CYP4X1: variants seen among roughly 807,000 people sequenced by gnomAD.
The protein encoded by CYP4X1 is cytochrome P450 family 4 subfamily X member 1.
A neutral mutation model predicts 57.9 loss-of-function variants in CYP4X1; 44 were observed. The ratio of observed to expected loss-of-function variants is 0.76; its 90% CI spans 0.60 to 0.98. The LOEUF is 0.98. Among genes scored for constraint, CYP4X1 ranks in the 50% least tolerant of loss-of-function variants. CYP4X1 has a pLI of 0.00. For missense variants in CYP4X1, 532 were observed against 623.9 expected, an observed-to-expected ratio of 0.85 and a Z score of 1.57; for synonymous variants, 227 against 228.6, an observed-to-expected ratio of 0.99 and a Z score of 0.06.
chr1:47,049,373 G>A, intron 10 of CYP4X1, 49 bp from the exon 11 acceptor site: 2 of 1,404,508 alleles, frequency 1.4e-6, no homozygotes, highest in Non-Finnish European at 1.0e-6. Context: ...GTGAAGAAAT[G>A]TGTTCATGTT....
the CYP4X1 span, among the ~76,000 whole-genome samples, chr1:46,975,764 A>C: frequency 7.2e-5 from 11 of 152,138 alleles, no homozygotes; most frequent in Non-Finnish European, 1.5e-4. Context: ...TAAGTTTTCC[A>C]AGTTGCTGTT....
intron 1 of CYP4X1, among the ~76,000 whole-genome samples, chr1:47,025,443 C>G (rs1644052322): frequency 6.6e-6 from 1 of 152,210 alleles, no homozygotes; most frequent in African/African-American, 2.4e-5. Flanking sequence ...AAGACAACAT[C>G]CACCTATGAA....
chr1:46,967,334 G>A, the CYP4X1 span, among the ~76,000 whole-genome samples: 7 of 152,272 alleles, frequency 4.6e-5, no homozygotes, highest in African/African-American at 9.6e-5. Flanking sequence ...AGGCACTGAC[G>A]TTGTGGTAGT....
At chr1:47,015,457 A>C in the CYP4X1 span, among the ~76,000 whole-genome samples, 1 of 152,184 alleles carries the variant, frequency 6.6e-6, no homozygotes, top group Non-Finnish European at 1.5e-5. Context: ...ATTCTCTAAA[A>C]AAAACTCAGG....
intron 6 of CYP4X1, among the ~76,000 whole-genome samples, chr1:47,038,383 AG>A (rs568096114): frequency 6.6e-4 from 100 of 152,308 alleles, no homozygotes; most frequent in African/African-American, 2.3e-3. Context: ...AGACTGAGGA[AG>A]AAAAGAATAA....
At chr1:47,029,119 T>G (rs1431016284) in intron 1 of CYP4X1, among the ~76,000 whole-genome samples, 3 of 152,200 alleles carry the variant, frequency 2.0e-5, no homozygotes, top group Middle Eastern at 3.2e-3. Context: ...ACCGTGTGAT[T>G]GGTCACACGA....
chr1:47,024,058 C>T, intron 1 of CYP4X1, 64 bp downstream of exon 1: 1 of 1,527,038 alleles, frequency 6.5e-7, no homozygotes, highest in Non-Finnish European at 8.8e-7. Flanking sequence ...GCAGAGGAGC[C>T]CAGCCGGCAG....
chr1:46,973,327 G>T, the CYP4X1 span, among the ~76,000 whole-genome samples: 2 of 152,098 alleles, frequency 1.3e-5, no homozygotes, highest in African/African-American at 4.8e-5. Context: ...GATTCAGTTT[G>T]CTAATATTTT....
At chr1:47,034,419 A>C (rs1644157835) in intron 4 of CYP4X1, among the ~76,000 whole-genome samples, 2 of 152,324 alleles carry the variant, frequency 1.3e-5, no homozygotes, top group Middle Eastern at 3.4e-3. Context: ...TTCAATTTTT[A>C]AATCATATTT....
the CYP4X1 span, among the ~76,000 whole-genome samples, chr1:47,009,917 T>C: frequency 2.3e-4 from 35 of 152,160 alleles, no homozygotes; most frequent in East Asian, 5.8e-3. Flanking sequence ...AGGCAATAAT[T>C]AATAACTTAC....
At chr1:46,981,470 A>T in the CYP4X1 span, among the ~76,000 whole-genome samples, 1 of 152,230 alleles carries the variant, frequency 6.6e-6, no homozygotes, top group South Asian at 2.1e-4. Flanking sequence ...ATCATTAAAA[A>T]GTCAGGAAAC....
chr1:47,055,199 CT>C (rs1244072240), downstream of CYP4X1, among the ~76,000 whole-genome samples: 2 of 152,122 alleles, frequency 1.3e-5, no homozygotes, highest in South Asian at 4.1e-4. Flanking sequence ...GTCTTTGGTT[CT>C]GTTTATATGC....
intron 8 of CYP4X1, among the ~76,000 whole-genome samples, chr1:47,044,884 G>A (rs982306118): frequency 5.3e-5 from 8 of 151,358 alleles, no homozygotes; most frequent in Admixed American, 2.6e-4. Context: ...GTGCAGTGGC[G>A]CAATCTCTCA....
chr1:47,049,406 T>G lies in CYP4X1; in HGVS notation c.1273-16T>G. On this transcript the variant is annotated splice_polypyrimidine_tract_variant and intron_variant, in intron 10 of 11. Coordinates refer to ENST00000371901, the MANE Select transcript of CYP4X1 (RefSeq NM_178033.2). ...GTTGTTTGGGGGATGGTGTTGGGGTTGTCCTCTCATTTCAGGTCTTTGACC... is the reference window on the plus strand; with the variant it reads ...GTTGTTTGGGGGATGGTGTTGGGGTGGTCCTCTCATTTCAGGTCTTTGACC... 1 of 1,610,554 alleles carries G rather than the reference T, an allele frequency of 6.2e-7. No individual in the cohort carries two copies. Among genetic ancestry groups the G allele is most frequent in the Non-Finnish European group, 8.5e-7 (1 of 1,176,824 alleles).
the CYP4X1 span, among the ~76,000 whole-genome samples, chr1:47,006,357 C>T: frequency 1.3e-5 from 2 of 152,120 alleles, no homozygotes; most frequent in African/African-American, 4.8e-5. Context: ...TTCTAGTAGA[C>T]ACATAATTCT....
the CYP4X1 span, among the ~76,000 whole-genome samples, chr1:47,005,237 G>T: frequency 6.6e-6 from 1 of 152,160 alleles, no homozygotes; most frequent in Admixed American, 6.5e-5. Flanking sequence ...CCTCAATATT[G>T]CTTGGAATCT....
intron 8 of CYP4X1, 146 bp from the exon 9 acceptor site, chr1:47,046,319 CAG>C: frequency 2.9e-6 from 3 of 1,032,072 alleles, no homozygotes; most frequent in South Asian, 3.5e-5. Flanking sequence ...CATCCTGAGG[CAG>C]AGAGTCCCAT....
At chr1:47,021,570 C>G (rs1238798354), upstream of CYP4X1, among the ~76,000 whole-genome samples, 1 of 152,094 alleles carries the variant, frequency 6.6e-6, no homozygotes, top group Non-Finnish European at 1.5e-5. Flanking sequence ...TTTGGAGAAA[C>G]CAGAGTGAAA....
At chr1:46,985,429 TG>T in the CYP4X1 span, among the ~76,000 whole-genome samples, 1 of 152,178 alleles carries the variant, frequency 6.6e-6, no homozygotes, top group East Asian at 1.9e-4. Context: ...GGGGTGGCTG[TG>T]GGCACAGCTT....
Sources: allele counts gnomAD v4.1 joint callset (sites outside exome capture counted in the v4.1 genomes callset), GRCh38; gene constraint gnomAD v4.1.1; transcripts MANE v1.5; gene names NCBI Gene and HGNC (gene_info 2026-07-23, HGNC 2026-07-21).